Variants in DHX15 observed in about 807,000 individuals in gnomAD.
DHX15 encodes the protein DEAH-box helicase 15, also known as ATP-dependent RNA helicase DHX15.
A neutral mutation model predicts 94.4 loss-of-function variants in DHX15; 11 were observed. The observed-to-expected ratio is 0.12, with a 90% CI of 0.07 to 0.19. The LOEUF is 0.19. Ranked by LOEUF, DHX15 falls within the 10% of genes least tolerant of loss-of-function variation. The probability of loss-of-function intolerance (pLI) is 1.00; values close to 1 mark genes in which losing one functional copy is unlikely to be tolerated. For synonymous variants in DHX15, 338 were observed against 329.9 expected, an observed-to-expected ratio of 1.02 and a Z score of -0.27; for missense variants, 304 against 988.5, an observed-to-expected ratio of 0.31 and a Z score of 9.29.
At chr4:24,566,361 C>G (rs1721992768) in intron 3 of DHX15, among the ~76,000 whole-genome samples, 1 of 152,098 alleles carries the variant, frequency 6.6e-6, no homozygotes. Context: ...ACGAAGTTGT[C>G]TTGTTGGAAA....
At chr4:24,570,108 T>C (rs1722088471) in intron 3 of DHX15, among the ~76,000 whole-genome samples, 1 of 152,300 alleles carries the variant, frequency 6.6e-6, no homozygotes, top group African/African-American at 2.4e-5. Flanking sequence ...ATTAGAAAGC[T>C]CAATACAGTA....
chr4:24,564,760 A>T (rs929086435), intron 3 of DHX15, among the ~76,000 whole-genome samples: 26 of 152,210 alleles, frequency 1.7e-4, no homozygotes, highest in African/African-American at 6.3e-4. Context: ...CATATAGCAA[A>T]ATACTGGTTA....
intron 3 of DHX15, among the ~76,000 whole-genome samples, chr4:24,559,173 G>A (rs977357844): frequency 2.0e-5 from 3 of 152,006 alleles, no homozygotes; most frequent in South Asian, 2.1e-4. Flanking sequence ...AAAGCCACGT[G>A]AAGATGAAGG....
In DHX15 at chr4:24,534,780, T is replaced by C. The variant is rs6448279; in HGVS notation, c.1910-1726A>G. ...CTATGTAATCAACTATTGTCTCTAA[T>C]GCAAAACATCTTGACCAGTATCTGA... is the stretch of plus-strand genomic sequence containing the variant. On this transcript the variant is annotated intron_variant, in intron 11 of 13. Coordinates refer to ENST00000336812, the MANE Select transcript of DHX15 (RefSeq NM_001358.3). 1.8e-3 allele frequency among the ~76,000 whole-genome samples: 267 copies of C among 152,318 alleles called. 1 individual carries two copies. Among genetic ancestry groups the C allele is most frequent in the Middle Eastern group, 6.8e-3 (2 of 294 alleles).
In DHX15 at chr4:24,532,903, A is replaced by C; in HGVS notation, c.2061T>G (p.Ile687Met). The C allele has an allele frequency of 6.2e-7, 1 of 1,612,756 alleles. No homozygotes were observed. ...STDFTSRDYY[I>M]NIRKALVTGY... ...CAGTAACCAAAGCTTTTCTTATATT[A>C]ATATAATAGTCCCTGCTTGTAAAGT... The change falls in exon 12 of 14, where the codon ATT (isoleucine) becomes ATG (methionine). Residue 687 changes from isoleucine to methionine, a missense_variant. Ile to Met is a conservative substitution (Grantham distance 10, BLOSUM62 1). Around this residue, in one of 9 missense-constraint regions of DHX15, gnomAD observed 44 missense variants for 236.7 expected, o/e 0.19. Coordinates refer to ENST00000336812, the MANE Select transcript of DHX15 (RefSeq NM_001358.3).
In DHX15 at chr4:24,537,278, G is replaced by A. The variant is rs1721216764; in HGVS notation, c.1787-105C>T. 1.3e-6 allele frequency: 2 copies of A among 1,491,626 alleles called. No homozygotes were observed. The highest frequency in any genetic ancestry group is 2.1e-5 in the Admixed American group (1 of 48,444). The allele number at this position is 1,491,626 out of a possible 1,614,324, so 92.4% of individuals were successfully genotyped here. ...GCTAGGTCAGTTCACAGAGCATAGGGCAGGGCAGGATGGCCTCCAACTGCA... is the reference window on the plus strand; with the variant it reads ...GCTAGGTCAGTTCACAGAGCATAGGACAGGGCAGGATGGCCTCCAACTGCA... On this transcript the variant is annotated intron_variant, in intron 10 of 13. Transcript: ENST00000336812. This position sits in a 1 kb window ranked among gnomAD's most constrained non-coding sequence, Gnocchi z 4.7.
chr4:24,559,171 G>T (rs545904549), intron 3 of DHX15, among the ~76,000 whole-genome samples: 1 of 151,944 alleles, frequency 6.6e-6, no homozygotes, highest in Admixed American at 6.6e-5. Context: ...GGAAAGCCAC[G>T]TGAAGATGAA....
chr4:24,554,233 T>C (rs1465350018), intron 5 of DHX15, among the ~76,000 whole-genome samples: 25 of 151,580 alleles, frequency 1.6e-4, no homozygotes, highest in Admixed American at 1.6e-3. Flanking sequence ...AAAAAAGAAA[T>C]GCTACATCTG....
intron 3 of DHX15, among the ~76,000 whole-genome samples, chr4:24,556,915 G>A (rs955073965): frequency 1.3e-5 from 2 of 152,144 alleles, no homozygotes; most frequent in Non-Finnish European, 1.5e-5. Flanking sequence ...GGCTGAAAGC[G>A]TGAGTCCTCC....
chr4:24,539,692 C>A (rs1281672134), intron 10 of DHX15: 1 of 152,682 alleles, frequency 6.5e-6, no homozygotes, highest in Non-Finnish European at 1.5e-5. Flanking sequence ...AGAAAAGGCT[C>A]AACTTAATGT....
rs142811795 is a variant in DHX15, at chr4:24,557,826, G to A, written c.702-1416C>T. On this transcript the variant is annotated intron_variant, in intron 3 of 13. Transcript: ENST00000336812. ...TTTGAAATTTCTTTGATCTGAGGAC[G>A]TTTGGTAATTTTTCCTGTCTTCCGA... Among the ~76,000 whole-genome samples, 133 of 152,152 alleles carry A rather than the reference G, an allele frequency of 8.7e-4. 1 individual carries two copies. Among genetic ancestry groups the A allele is most frequent in the African/African-American group, 3.0e-3 (125 of 41,542 alleles).
chr4:24,541,706 G>A (rs1721317217), intron 8 of DHX15, among the ~76,000 whole-genome samples, 167 bp downstream of exon 8: 1 of 151,956 alleles, frequency 6.6e-6, no homozygotes, highest in African/African-American at 2.4e-5. Context: ...GGAATAAGGG[G>A]GTGTACGACT....
chr4:24,550,478 A>G (rs1298728649), intron 5 of DHX15, among the ~76,000 whole-genome samples: 2 of 152,118 alleles, frequency 1.3e-5, no homozygotes, highest in African/African-American at 4.8e-5. Context: ...TCCTTATTCT[A>G]TAAGCTTCAT....
chr4:24,553,276 G>A (rs28463946), intron 5 of DHX15, among the ~76,000 whole-genome samples: 5,452 of 151,874 alleles, frequency 0.036, 296 homozygotes, highest in African/African-American at 0.12. Context: ...AGCCGAGATC[G>A]CGCCACTGCA....
intron 8 of DHX15, 63 bp downstream of exon 8, chr4:24,541,810 T>C: frequency 1.4e-6 from 2 of 1,438,774 alleles, no homozygotes; most frequent in Middle Eastern, 1.9e-4. Context: ...GCAATGTTCT[T>C]CTGGTAAGAT....
At chr4:24,530,737 T>G (rs1179277156) in intron 12 of DHX15, 2 of 152,104 alleles carry the variant, frequency 1.3e-5, no homozygotes, top group Non-Finnish European at 2.9e-5. Context: ...TGGTAACACC[T>G]TGACTGGTGA....
rs1225874735 is a variant in DHX15 at position 24,537,471 on chromosome 4, T to C, written c.1787-298A>G. ...AGGATACTAAAAAGCTCAACTTATT[T>C]AAAAAAACCAGTGCTGATAGCTCTA... On this transcript the variant is annotated intron_variant, in intron 10 of 13. Transcript: ENST00000336812. The surrounding 1 kb of genome is among the most constrained non-coding windows in gnomAD (Gnocchi z 4.7). 4.5e-6 allele frequency: 1 copy of C among 221,906 alleles called. No individual in the cohort carries two copies. Among genetic ancestry groups the C allele is most frequent in the Non-Finnish European group, 8.9e-6 (1 of 112,770 alleles). 13.7% of individuals were successfully genotyped at this position (221,906 alleles called of 1,614,324 possible).
intron 2 of DHX15, among the ~76,000 whole-genome samples, chr4:24,572,816 G>T (rs1367864152): frequency 1.3e-5 from 2 of 152,166 alleles, no homozygotes; most frequent in Non-Finnish European, 2.9e-5. Flanking sequence ...GTCAGTTAAT[G>T]CATCTGTTCA....
intron 5 of DHX15, among the ~76,000 whole-genome samples, chr4:24,550,581 A>G (rs1217519878): frequency 6.6e-6 from 1 of 152,190 alleles, no homozygotes; most frequent in African/African-American, 2.4e-5. Context: ...CAGGGTCAGG[A>G]TCATCAATAT....
Sources: gnomAD v4.1 joint callset for allele counts (sites outside exome capture counted in the v4.1 genomes callset) on GRCh38, gnomAD v4.1.1 for gene constraint, gnomAD v4.1.1 regional missense constraint, Gnocchi (gnomAD v3.1) non-coding constraint, MANE v1.5 for transcripts, NCBI Gene and HGNC (gene_info 2026-07-23, HGNC 2026-07-21) for gene names.